Variants in SEPTIN8 observed in about 807,000 individuals in gnomAD.
SEPTIN8 encodes the protein septin 8.
SEPTIN8 carries 22 observed loss-of-function variants against 53.1 expected under a neutral mutation model. That is an observed-to-expected ratio of 0.41 (90% CI 0.30 to 0.59). SEPTIN8 has a LOEUF of 0.59. SEPTIN8 is among the 20% of genes least tolerant of loss of function. The probability of loss-of-function intolerance (pLI) is 0.24; values close to 1 mark genes in which losing one functional copy is unlikely to be tolerated. For synonymous variants in SEPTIN8, 228 were observed against 248.4 expected (o/e 0.92, Z 0.77); for missense variants, 536 against 638.7 (o/e 0.84, Z 1.73).
chr5:132,752,839 G>A (rs2149942877), intron 9 of SEPTIN8: 1 of 1,582,804 alleles, frequency 6.3e-7, no homozygotes, highest in South Asian at 1.1e-5. Context: ...GGTTCTGCTT[G>A]AAGATGGCCA....
At position 132,758,840 on chromosome 5, in the gene SEPTIN8, A is replaced by G. The variant is rs1561742427; in HGVS notation, c.1286+1962T>C. ...CGTGCGTTAACTGAAAAATAAAAAT[A>G]AAACAAACAAAACAAAAACAGACAC... On this transcript the variant is annotated intron_variant, in intron 9 of 9. Coordinates refer to ENST00000378719, the MANE Select transcript of SEPTIN8 (RefSeq NM_001098811.2). 2.5e-6 allele frequency: 4 copies of G among 1,610,574 alleles called. No homozygotes were observed. The South Asian group carries it at 4.4e-5, about 18-fold the overall frequency.
chr5:132,765,713 G>T (rs1756514731), intron 1 of SEPTIN8, among the ~76,000 whole-genome samples, 184 bp from the exon 2 acceptor site: 1 of 152,206 alleles, frequency 6.6e-6, no homozygotes, highest in South Asian at 2.1e-4. Context: ...TCCCCAGAGG[G>T]AGCCCGATGC....
chr5:132,776,773 G>C lies in SEPTIN8; in HGVS notation c.30+335C>G, dbSNP rs112309684. On this transcript the variant is annotated intron_variant, in intron 1 of 9. Transcript: ENST00000378719. This position sits in a 1 kb window ranked among gnomAD's most constrained non-coding sequence, Gnocchi z 4.4. ...CACCCTGGGCGATAGGGTCCGGAGT[G>C]TCCCGGACCCTCACCTGCGGCCCCG... 0.018 allele frequency among the ~76,000 whole-genome samples: 2,675 copies of C among 152,242 alleles called. 78 individuals carry two copies. Among genetic ancestry groups the C allele is most frequent in the African/African-American group, 0.056 (2,338 of 41,532 alleles).
chr5:132,758,777 T>G, intron 9 of SEPTIN8: 1 of 1,614,050 alleles, frequency 6.2e-7, no homozygotes, highest in Non-Finnish European at 8.5e-7. Context: ...ACTTAACACA[T>G]GAAAGTCTAA....
chr5:132,763,572 G>A (rs1474760980), intron 4 of SEPTIN8, 134 bp downstream of exon 4: 10 of 751,966 alleles, frequency 1.3e-5, no homozygotes, highest in South Asian at 1.0e-4. Context: ...AGAGAGGACC[G>A]AGCCAATGGG....
In SEPTIN8 at chr5:132,760,532, A is replaced by AAGGGAG. The variant is rs1256686539; in HGVS notation, c.1286+264_1286+269dup. Among the ~76,000 whole-genome samples the AAGGGAG allele has an allele frequency of 4.6e-5, 7 of 152,138 alleles. No homozygotes were observed. The South Asian group carries it at 1.2e-3, about 27-fold the overall frequency. On this transcript the variant is annotated intron_variant, in intron 9 of 9. Transcript: ENST00000378719. This position sits in a 1 kb window ranked among gnomAD's most constrained non-coding sequence, Gnocchi z 5.2. ...GGAAGAGAAGGAGAGAAAAAGGGAGAAGGGAGAGGGAGGGGGAGCACAAGA... is the reference window on the plus strand; with the variant it reads ...GGAAGAGAAGGAGAGAAAAAGGGAGAAGGGAGAGGGAGAGGGAGGGGGAGCACAAGA...
chr5:132,766,052 C>T (rs150299286), intron 1 of SEPTIN8, among the ~76,000 whole-genome samples: 313 of 152,328 alleles, frequency 2.1e-3, no homozygotes, highest in Middle Eastern at 3.4e-3. Context: ...CTCAGAGGAG[C>T]CTTCTCTATC....
At chr5:132,769,024 G>A (rs1756914612) in intron 1 of SEPTIN8, among the ~76,000 whole-genome samples, 1 of 152,214 alleles carries the variant, frequency 6.6e-6, no homozygotes, top group Admixed American at 6.5e-5. Context: ...AGGAGGGACA[G>A]TGTGGAAGGT....
rs1240891299 is a variant in SEPTIN8 at position 132,751,174 on chromosome 5, C to T, written c.*842G>A. Reference sequence around the variant, plus strand: ...GAGTGAAAAGGTATCTTAAATCCAACACAGTTCCACCAGACTCCCACTTCT... The same window carrying T: ...GAGTGAAAAGGTATCTTAAATCCAATACAGTTCCACCAGACTCCCACTTCT... On this transcript the variant is annotated 3_prime_UTR_variant, in exon 10 of 10. Transcript: ENST00000378719. 1 of 581,964 alleles carries T rather than the reference C, an allele frequency of 1.7e-6. No homozygotes were observed. The highest frequency in any genetic ancestry group is 2.8e-6 in the Non-Finnish European group (1 of 355,000). The allele number at this position is 581,964 out of a possible 1,614,324, so 36.1% of individuals were successfully genotyped here.
chr5:132,756,914 C>A, intron 9 of SEPTIN8: 1 of 985,438 alleles, frequency 1.0e-6, no homozygotes, highest in Non-Finnish European at 1.2e-6. Context: ...CACCAGGCCT[C>A]ATCTTCATAA....
intron 9 of SEPTIN8, chr5:132,753,668 G>T (rs1343723284): frequency 6.6e-6 from 1 of 152,504 alleles, no homozygotes; most frequent in African/African-American, 2.4e-5. Context: ...GAGGGATTTT[G>T]TGCTAATGAA....
Position 132,757,510 on chromosome 5 carries a change from A to G in SEPTIN8, c.1286+3292T>C. 3.0e-6 allele frequency: 3 copies of G among 985,472 alleles called. No homozygotes were observed. The South Asian group carries it at 1.4e-4, about 46-fold the overall frequency. The allele number at this position is 985,472 out of a possible 1,614,324, so 61.0% of individuals were successfully genotyped here. ...CAGGGGCATGAAAAGCAAACTACCA[A>G]TTCCACAATAAATTAGCACGTCTTC... On this transcript the variant is annotated intron_variant, in intron 9 of 9. Transcript: ENST00000378719.
chr5:132,753,018 C>T (rs369590698), intron 9 of SEPTIN8: 333 of 1,396,772 alleles, frequency 2.4e-4, no homozygotes, highest in Non-Finnish European at 3.0e-4. Flanking sequence ...GTGAAACCTC[C>T]TTGCTTGGAC....
Position 132,751,724 on chromosome 5 carries a change from G to C in SEPTIN8, c.*292C>G. 1 of 573,632 alleles carries C rather than the reference G, an allele frequency of 1.7e-6. No homozygotes were observed. The highest frequency in any genetic ancestry group is 4.5e-4 in the Middle Eastern group (1 of 2,200). 35.5% of individuals were successfully genotyped at this position (573,632 alleles called of 1,614,324 possible). On this transcript the variant is annotated 3_prime_UTR_variant, in exon 10 of 10. Transcript: ENST00000378719. ...AAACATTGTCATCTAGGTACTTTCCGCTCATAACGATGATGTCACAAAGCA... is the reference window on the plus strand; with the variant it reads ...AAACATTGTCATCTAGGTACTTTCCCCTCATAACGATGATGTCACAAAGCA...
intron 1 of SEPTIN8, among the ~76,000 whole-genome samples, chr5:132,770,008 T>TATATATATATACACAC (rs1757048763): frequency 3.8e-5 from 2 of 52,208 alleles, no homozygotes; most frequent in African/African-American, 8.2e-5. Flanking sequence ...TATATATATA[T>TATATATATATACACAC]ATATATATAT....
intron 9 of SEPTIN8, chr5:132,753,956 G>GTTTTTTTTTGTTT (rs1755087195): frequency 1.1e-5 from 1 of 87,182 alleles, no homozygotes; most frequent in African/African-American, 5.1e-5. Flanking sequence ...GTGAACTATG[G>GTTTTTTTTTGTTT]TTTTTTTTTT....
intron 1 of SEPTIN8, among the ~76,000 whole-genome samples, chr5:132,774,380 C>T (rs369625297): frequency 2.1e-4 from 32 of 152,190 alleles, no homozygotes; most frequent in African/African-American, 6.5e-4. Context: ...GAGAAAACAC[C>T]GGAGCTGGCC....
At chr5:132,778,458 A>G (rs1375707806), upstream of SEPTIN8, among the ~76,000 whole-genome samples, 2 of 152,188 alleles carry the variant, frequency 1.3e-5, no homozygotes, top group Non-Finnish European at 2.9e-5. Context: ...TCTCCCAGGC[A>G]AACTGTAGCT....
chr5:132,771,033 G>A (rs879812988), intron 1 of SEPTIN8, among the ~76,000 whole-genome samples: 6 of 152,158 alleles, frequency 3.9e-5, no homozygotes, highest in South Asian at 2.1e-4. Flanking sequence ...CTCCATGCCC[G>A]GCCGTCCAAG....
Sources: allele counts gnomAD v4.1 joint callset (sites outside exome capture counted in the v4.1 genomes callset), GRCh38; gene constraint gnomAD v4.1.1; non-coding constraint Gnocchi (gnomAD v3.1); transcripts MANE v1.5; gene names NCBI Gene and HGNC (gene_info 2026-07-23, HGNC 2026-07-21).